EIPR1: variants seen among roughly 807,000 people sequenced by gnomAD.
EIPR1 encodes the protein EARP and GARP complex-interacting protein 1.
In EIPR1, 25 loss-of-function variants were observed where a neutral mutation model predicts 48.1. The ratio of observed to expected loss-of-function variants is 0.52; its 90% CI spans 0.38 to 0.73. The LOEUF (loss-of-function observed/expected upper bound fraction) is 0.73. EIPR1 is among the 30% of genes least tolerant of loss of function. EIPR1 has a pLI of 0.00. For missense variants in EIPR1, 415 were observed against 506.2 expected (o/e 0.82, Z 1.73); for synonymous variants, 204 against 201.9 (o/e 1.01, Z -0.09).
intron 4 of EIPR1, among the ~76,000 whole-genome samples, chr2:3,222,237 G>A (rs1665918647): frequency 6.6e-6 from 1 of 152,308 alleles, no homozygotes; most frequent in South Asian, 2.1e-4. Context: ...CTCCAGGTGT[G>A]GAATAAAATA....
At chr2:3,332,636 A>C (rs1669935057) in intron 3 of EIPR1, among the ~76,000 whole-genome samples, 2 of 152,222 alleles carry the variant, frequency 1.3e-5, no homozygotes, top group South Asian at 4.1e-4. Context: ...TCCTGTCGAG[A>C]CAGCTTCTAC....
intron 4 of EIPR1, among the ~76,000 whole-genome samples, chr2:3,253,908 G>A (rs941903861): frequency 6.6e-6 from 1 of 152,158 alleles, no homozygotes; most frequent in Non-Finnish European, 1.5e-5. Context: ...CTGCGGTGTG[G>A]GGCATGCCTC....
intron 3 of EIPR1, among the ~76,000 whole-genome samples, chr2:3,313,391 C>T (rs900159858): frequency 7.9e-5 from 12 of 151,656 alleles, no homozygotes; most frequent in South Asian, 4.2e-4. Flanking sequence ...GGGTTCAAGG[C>T]GCACAGACCT....
chr2:3,286,466 T>C lies in EIPR1; in HGVS notation c.260-29011A>G, dbSNP rs537902452. On this transcript the variant is annotated intron_variant, in intron 3 of 8. Coordinates refer to ENST00000382125, the MANE Select transcript of EIPR1 (RefSeq NM_003310.5). The surrounding 1 kb of genome is among the most constrained non-coding windows in gnomAD (Gnocchi z 4.2). ...TGGGGCCATCCTACCAGGCATGTCC[T>C]GGGCACATGGGAAGACCGAGAGGTG... is the stretch of plus-strand genomic sequence containing the variant. 7.9e-5 allele frequency among the ~76,000 whole-genome samples: 12 copies of C among 152,296 alleles called. No individual in the cohort carries two copies. Among genetic ancestry groups the C allele is most frequent in the Non-Finnish European group, 1.3e-4 (9 of 68,026 alleles).
In EIPR1 at chr2:3,218,869, C is replaced by T. The variant is rs181963818; in HGVS notation, c.417-4621G>A. 9.0e-3 allele frequency among the ~76,000 whole-genome samples: 1,172 copies of T among 129,690 alleles called. 19 individuals are homozygous for T. Among genetic ancestry groups the T allele is most frequent in the Admixed American group, 0.052 (659 of 12,728 alleles). 85.1% of individuals were successfully genotyped at this position (129,690 alleles called of 152,430 possible). A position where few individuals can be genotyped will look rare whatever the true frequency, so the allele number is the denominator to read the frequency against. ...GTGCACACCCAACATGGCCCTGATA[C>T]GCTCTAGAGCTTTCACAGTGAGTCA... On this transcript the variant is annotated intron_variant, in intron 4 of 8. Coordinates refer to ENST00000382125, the MANE Select transcript of EIPR1 (RefSeq NM_003310.5).
chr2:3,214,354 G>T lies in EIPR1; in HGVS notation c.417-106C>A, dbSNP rs188902550. ...CTTCATGACGCAGGAAATCTTTTCCGGCCTGTAGTCACTAGAGTATTTTTT... is the reference window on the plus strand; with the variant it reads ...CTTCATGACGCAGGAAATCTTTTCCTGCCTGTAGTCACTAGAGTATTTTTT... On this transcript the variant is annotated intron_variant, in intron 4 of 8. Transcript: ENST00000382125. 4 of 1,017,824 alleles carry T rather than the reference G, an allele frequency of 3.9e-6. No individual in the cohort carries two copies. In the African/African-American group the frequency reaches 4.8e-5, roughly 12 times the overall value. 63.0% of individuals were successfully genotyped at this position (1,017,824 alleles called of 1,614,324 possible). A position where few individuals can be genotyped will look rare whatever the true frequency, so the allele number is the denominator to read the frequency against.
At position 3,374,407 on chromosome 2, in the gene EIPR1, T is replaced by C. The variant is rs1042689696; in HGVS notation, c.42+3241A>G. ...ATCTCATTAAACTAAAGAGCTTCTG[T>C]ACAGCAAAAGAAACTACCAACAGAG... On this transcript the variant is annotated intron_variant, in intron 1 of 8. Coordinates refer to ENST00000382125, the MANE Select transcript of EIPR1 (RefSeq NM_003310.5). Among the ~76,000 whole-genome samples the C allele has an allele frequency of 1.1e-3, 163 of 151,764 alleles. 1 individual carries two copies. Among genetic ancestry groups the C allele is most frequent in the African/African-American group, 2.9e-3 (122 of 41,464 alleles).
At chr2:3,375,869 G>A (rs1375991157) in intron 1 of EIPR1, among the ~76,000 whole-genome samples, 1 of 152,198 alleles carries the variant, frequency 6.6e-6, no homozygotes. Flanking sequence ...CTAAATCACT[G>A]GTAGTTAAGC....
intron 5 of EIPR1, among the ~76,000 whole-genome samples, chr2:3,202,355 T>C (rs1022893630): frequency 6.6e-6 from 1 of 152,252 alleles, no homozygotes; most frequent in African/African-American, 2.4e-5. Context: ...TATTTCAGCT[T>C]TCTGAAGACC....
At chr2:3,305,037 C>T (rs112408502) in intron 3 of EIPR1, among the ~76,000 whole-genome samples, 87 of 79,364 alleles carry the variant, frequency 1.1e-3, no homozygotes, top group Admixed American at 1.6e-3. Context: ...CCAGTTCAAC[C>T]CTCCACTCCC....
chr2:3,264,843 T>C (rs1466246475), intron 3 of EIPR1, among the ~76,000 whole-genome samples: 3 of 152,240 alleles, frequency 2.0e-5, no homozygotes, highest in East Asian at 1.9e-4. Context: ...GCCGCCACCA[T>C]GCCCAGCTAA....
rs1434139045 is a variant in EIPR1, at chr2:3,312,095, CCT to C, written c.259+25920_259+25921del. Among the ~76,000 whole-genome samples, 1 of 152,132 alleles carries C rather than the reference CCT, an allele frequency of 6.6e-6. No individual in the cohort carries two copies. The highest frequency in any genetic ancestry group is 6.5e-5 in the Admixed American group (1 of 15,278). On this transcript the variant is annotated intron_variant, in intron 3 of 8. Transcript: ENST00000382125. This position sits in a 1 kb window ranked among gnomAD's most constrained non-coding sequence, Gnocchi z 5.5. Reference sequence around the variant, plus strand: ...TTGGAGCCACAACACACAGTTATCCCCTCTGTCTGATAACTGAAGTGCCTGAA... The same window carrying C: ...TTGGAGCCACAACACACAGTTATCCCCTGTCTGATAACTGAAGTGCCTGAA...
intron 3 of EIPR1, among the ~76,000 whole-genome samples, chr2:3,282,156 C>T (rs991914366): frequency 6.6e-6 from 1 of 152,230 alleles, no homozygotes; most frequent in African/African-American, 2.4e-5. Context: ...GACAAACCAG[C>T]CAACAGGAGA....
rs532855885 is a variant in EIPR1, at chr2:3,228,290, G to A, written c.417-14042C>T. ...ACATGGAGTCAAAGGAGATCATTTT[G>A]GAACTTTAAGGTTTAATGACTGCTC... On this transcript the variant is annotated intron_variant, in intron 4 of 8. Transcript: ENST00000382125. 2.6e-5 allele frequency among the ~76,000 whole-genome samples: 4 copies of A among 152,360 alleles called. No homozygotes were observed. The South Asian group carries it at 8.3e-4, about 32-fold the overall frequency.
At chr2:3,345,321 G>A (rs926122378) in intron 2 of EIPR1, among the ~76,000 whole-genome samples, 7 of 152,246 alleles carry the variant, frequency 4.6e-5, no homozygotes, top group Non-Finnish European at 8.8e-5. Context: ...AATATATTGA[G>A]ACCAGGCCAG....
At chr2:3,366,741 G>A (rs1670981933) in intron 1 of EIPR1, among the ~76,000 whole-genome samples, 1 of 152,194 alleles carries the variant, frequency 6.6e-6, no homozygotes, top group Non-Finnish European at 1.5e-5. Context: ...AAAGGAAATT[G>A]TTTTGAATTT....
chr2:3,220,528 C>T (rs985809520), intron 4 of EIPR1, among the ~76,000 whole-genome samples: 1 of 152,180 alleles, frequency 6.6e-6, no homozygotes, highest in African/African-American at 2.4e-5. Context: ...GGTGCACACA[C>T]ACACAATGAC....
intron 3 of EIPR1, chr2:3,319,705 A>G (rs13002124): frequency 0.35 from 53,669 of 155,292 alleles, 12,251 homozygotes; most frequent in East Asian, 0.75. Context: ...CCACCCCTGC[A>G]GGCAACACCA....
At chr2:3,291,749 T>C (rs1373105068) in intron 3 of EIPR1, among the ~76,000 whole-genome samples, 1 of 152,232 alleles carries the variant, frequency 6.6e-6, no homozygotes, top group Non-Finnish European at 1.5e-5. Context: ...CCTTTTTATA[T>C]CATGGTATTG....
Sources: gnomAD v4.1 joint callset for allele counts (sites outside exome capture counted in the v4.1 genomes callset) on GRCh38, gnomAD v4.1.1 for gene constraint, Gnocchi (gnomAD v3.1) non-coding constraint, MANE v1.5 for transcripts, NCBI Gene and HGNC (gene_info 2026-07-23, HGNC 2026-07-21) for gene names.